CHPT1: variants seen among roughly 807,000 people sequenced by gnomAD.
The protein encoded by CHPT1 is cholinephosphotransferase 1.
Under a neutral mutation model 47.6 loss-of-function variants are expected in CHPT1, and 36 were observed. The observed-to-expected ratio is 0.76, with a 90% CI of 0.58 to 1.00. The LOEUF (loss-of-function observed/expected upper bound fraction) is 1.00, where lower values mean the gene tolerates loss of function less well. Among genes scored for constraint, CHPT1 ranks in the 50% least tolerant of loss-of-function variants. The pLI, the probability that CHPT1 is intolerant of heterozygous loss-of-function variation, is 0.00. For missense variants in CHPT1, 458 were observed against 498.1 expected (o/e 0.92, Z 0.77); for synonymous variants, 194 against 186.3 (o/e 1.04, Z -0.33).
intron 5 of CHPT1, among the ~76,000 whole-genome samples, chr12:101,721,657 G>A (rs566434425): frequency 6.6e-6 from 1 of 152,200 alleles, no homozygotes; most frequent in South Asian, 2.1e-4. Flanking sequence ...GTATAGTACT[G>A]TGCTTAGGAA....
At chr12:101,711,995 C>T (rs1276654083) in intron 1 of CHPT1, among the ~76,000 whole-genome samples, 2 of 148,326 alleles carry the variant, frequency 1.3e-5, no homozygotes, top group South Asian at 2.1e-4. Flanking sequence ...CTTTTAAGAA[C>T]GTGCTCACTG....
chr12:101,719,177 AG>A (rs1186210012), intron 4 of CHPT1, among the ~76,000 whole-genome samples: 6 of 151,060 alleles, frequency 4.0e-5, no homozygotes, highest in East Asian at 1.9e-4. Context: ...AAAAAAAAAA[AG>A]AAGGTAAATG....
intron 4 of CHPT1, among the ~76,000 whole-genome samples, chr12:101,718,329 C>T (rs1412002948): frequency 1.3e-5 from 2 of 152,164 alleles, no homozygotes; most frequent in East Asian, 1.9e-4. Context: ...ACGTACCACG[C>T]TGGTGTAGGA....
At chr12:101,707,817 A>G (rs1951653393) in intron 1 of CHPT1, among the ~76,000 whole-genome samples, 1 of 152,168 alleles carries the variant, frequency 6.6e-6, no homozygotes, top group South Asian at 2.1e-4. Flanking sequence ...TGGGCAAGGA[A>G]GAAGAGAAGT....
Position 101,725,989 on chromosome 12 carries a change from G to A in CHPT1, c.1066-305G>A, listed in dbSNP as rs573880856. On this transcript the variant is annotated intron_variant, in intron 7 of 8. Coordinates refer to ENST00000229266, the MANE Select transcript of CHPT1 (RefSeq NM_020244.3). ...CTTCTAGAAGGAAATTTGCAGCTTC[G>A]TGGCACAGCAGGAAGTTGAAACAAT... Among the ~76,000 whole-genome samples the A allele has an allele frequency of 7.9e-5, 12 of 152,184 alleles. No homozygotes were observed. The South Asian group carries it at 8.3e-4, about 11-fold the overall frequency.
At position 101,723,332 on chromosome 12, in the gene CHPT1, A is replaced by C; in HGVS notation, c.939+6A>C. On this transcript the variant is annotated splice_donor_region_variant and intron_variant, in intron 6 of 8. Coordinates refer to ENST00000229266, the MANE Select transcript of CHPT1 (RefSeq NM_020244.3). The stretch of plus-strand genomic sequence containing the variant: ...AAGTCTCACAAAAATTAGTGGTAAG[A>C]AATTTTTATTATTCATGATATAAAT... 6.6e-7 allele frequency: 1 copy of C among 1,514,646 alleles called. No homozygotes were observed. The highest frequency in any genetic ancestry group is 1.2e-5 in the South Asian group (1 of 83,994). 93.8% of individuals were successfully genotyped at this position (1,514,646 alleles called of 1,614,324 possible). A position where few individuals can be genotyped will look rare whatever the true frequency, so the allele number is the denominator to read the frequency against.
At chr12:101,710,523 C>T (rs1468603992) in intron 1 of CHPT1, among the ~76,000 whole-genome samples, 1 of 149,052 alleles carries the variant, frequency 6.7e-6, no homozygotes, top group Non-Finnish European at 1.5e-5. Context: ...TTCCTCTCTT[C>T]TCTGTTTACA....
chr12:101,698,471 C>G (rs1453112765), intron 1 of CHPT1, among the ~76,000 whole-genome samples: 2 of 152,252 alleles, frequency 1.3e-5, no homozygotes, highest in African/African-American at 2.4e-5. Flanking sequence ...ACCTGTGAGA[C>G]GGACCCGCGG....
At chr12:101,709,774 AG>A (rs1363287819) in intron 1 of CHPT1, among the ~76,000 whole-genome samples, 2 of 148,472 alleles carry the variant, frequency 1.3e-5, no homozygotes, top group Non-Finnish European at 3.0e-5. Flanking sequence ...GTATTGTGTG[AG>A]GGGGAAAGTG....
At chr12:101,702,201 A>G (rs1368819623) in intron 1 of CHPT1, among the ~76,000 whole-genome samples, 1 of 152,210 alleles carries the variant, frequency 6.6e-6, no homozygotes, top group Non-Finnish European at 1.5e-5. Flanking sequence ...AGTCTCTCCT[A>G]CTAACTCCAT....
chr12:101,701,795 ATTTG>A (rs1349353866), intron 1 of CHPT1, among the ~76,000 whole-genome samples: 1 of 152,156 alleles, frequency 6.6e-6, no homozygotes, highest in South Asian at 2.1e-4. Flanking sequence ...GAAAACAAAC[ATTTG>A]TTTGTTTTCT....
chr12:101,705,977 CA>C (rs1951626261), intron 1 of CHPT1, among the ~76,000 whole-genome samples: 1 of 152,048 alleles, frequency 6.6e-6, no homozygotes, highest in Non-Finnish European at 1.5e-5. Flanking sequence ...CTGCCCGCCT[CA>C]GCCTTCCAAA....
In CHPT1 at chr12:101,723,148, T is replaced by C. The variant is rs527608713; in HGVS notation, c.781-20T>C. ...ATGCAGTGTTAAAATGTGATACTGA[T>C]TTTCTGCTTTATCCCTTAGGGCACC... On this transcript the variant is annotated intron_variant, in intron 5 of 8. Transcript: ENST00000229266. 5.0e-6 allele frequency: 8 copies of C among 1,604,244 alleles called. No homozygotes were observed. In the East Asian group the frequency reaches 1.6e-4, roughly 31 times the overall value.
chr12:101,723,662 C>A, intron 6 of CHPT1, 60 bp from the exon 7 acceptor site: 1 of 1,033,778 alleles, frequency 9.7e-7, no homozygotes, highest in Non-Finnish European at 1.4e-6. Context: ...TTAATTCTGT[C>A]GTAAAAGCTA....
intron 5 of CHPT1, among the ~76,000 whole-genome samples, chr12:101,722,911 T>C (rs934298127): frequency 1.3e-5 from 2 of 152,146 alleles, no homozygotes; most frequent in Admixed American, 1.3e-4. Flanking sequence ...ATAAACTGCA[T>C]TAATTTTTAG....
intron 8 of CHPT1, chr12:101,726,672 G>GACA (rs1329073680): frequency 4.6e-6 from 2 of 436,834 alleles, no homozygotes; most frequent in Admixed American, 3.9e-5. Context: ...CAATCCTGAG[G>GACA]ACAACAGTGA....
chr12:101,712,831 C>T lies in CHPT1; in HGVS notation c.274-1259C>T, dbSNP rs890052188. On this transcript the variant is annotated intron_variant, in intron 1 of 8. Coordinates refer to ENST00000229266, the MANE Select transcript of CHPT1 (RefSeq NM_020244.3). ...ATATTTATAATAACTATTTTGATAT[C>T]CTCATCTGCTAATTCTATTACTTCT... Among the ~76,000 whole-genome samples the T allele has an allele frequency of 1.5e-4, 22 of 148,692 alleles. 1 individual carries two copies. The highest frequency in any genetic ancestry group is 5.3e-4 in the African/African-American group (22 of 41,146).
At chr12:101,710,199 A>G (rs1417847118) in intron 1 of CHPT1, among the ~76,000 whole-genome samples, 1 of 148,588 alleles carries the variant, frequency 6.7e-6, no homozygotes, top group Non-Finnish European at 1.5e-5. Flanking sequence ...ACAAAAATTT[A>G]GCTGGGTGTG....
At position 101,716,934 on chromosome 12, in the gene CHPT1, G is replaced by A. The variant is rs183663335; in HGVS notation, c.648+122G>A. The A allele has an allele frequency of 2.7e-4, 154 of 575,592 alleles. 1 individual carries two copies. The highest frequency in any genetic ancestry group is 1.9e-3 in the African/African-American group (100 of 52,252). The allele number at this position is 575,592 out of a possible 1,614,324, so 35.7% of individuals were successfully genotyped here. The stretch of plus-strand genomic sequence containing the variant: ...ATTTAATTTTTTTTTTTTAATTGGT[G>A]TATTTAATATTTGTTCCATTTCTTA... On this transcript the variant is annotated intron_variant, in intron 4 of 8. Coordinates refer to ENST00000229266, the MANE Select transcript of CHPT1 (RefSeq NM_020244.3).
Sources: gnomAD v4.1 joint callset for allele counts (sites outside exome capture counted in the v4.1 genomes callset) on GRCh38, gnomAD v4.1.1 for gene constraint, MANE v1.5 for transcripts, NCBI Gene and HGNC (gene_info 2026-07-23, HGNC 2026-07-21) for gene names.